PSEN1: variants seen among roughly 807,000 people sequenced by gnomAD.
The protein encoded by PSEN1 is presenilin-1.
In PSEN1, 15 loss-of-function variants were observed where a neutral mutation model predicts 53.5. The ratio of observed to expected loss-of-function variants is 0.28; its 90% CI spans 0.19 to 0.43. The LOEUF (loss-of-function observed/expected upper bound fraction) is 0.43. PSEN1 is among the 20% of genes least tolerant of loss of function. The pLI is 1.00. For synonymous variants in PSEN1, 208 were observed against 209.8 expected, an observed-to-expected ratio of 0.99 and a Z score of 0.08; for missense variants, 387 against 571.2, an observed-to-expected ratio of 0.68 and a Z score of 3.29.
At position 73,140,137 on chromosome 14, in the gene PSEN1, G is replaced by A. The variant is rs1232345414; in HGVS notation, c.-136+3554G>A. On this transcript the variant is annotated intron_variant, in intron 1 of 11. Coordinates refer to ENST00000324501, the MANE Select transcript of PSEN1 (RefSeq NM_000021.4). ...TTTATAATTATACAAAGGTATATAG[G>A]ACCATAGTCTCATATCCAGAGTTCT... 5.3e-5 allele frequency among the ~76,000 whole-genome samples: 8 copies of A among 150,846 alleles called. No individual in the cohort carries two copies. In the South Asian group the frequency reaches 1.7e-3, roughly 31 times the overall value.
intron 3 of PSEN1, chr14:73,168,299 GAGCCCAGATTGTGCCAGTGCACTCC>G (rs1297172563): frequency 6.6e-6 from 1 of 151,840 alleles, no homozygotes; most frequent in Non-Finnish European, 1.5e-5. Flanking sequence ...AGGTTACAGT[GAGCCCAGATTGTGCCAGTGCACTCC>G]AGCCTGGGCA....
chr14:73,145,252 A>G (rs1008390656), intron 1 of PSEN1, among the ~76,000 whole-genome samples: 1 of 151,976 alleles, frequency 6.6e-6, no homozygotes, highest in Non-Finnish European at 1.5e-5. Flanking sequence ...TTTGGCTAAG[A>G]CTGTCTTGTT....
At chr14:73,169,834 C>T (rs1293962212) in intron 3 of PSEN1, among the ~76,000 whole-genome samples, 2 of 152,024 alleles carry the variant, frequency 1.3e-5, no homozygotes, top group African/African-American at 4.8e-5. Context: ...TTAGTAGAGA[C>T]GGGGTTTCAC....
At chr14:73,214,375 A>G (rs1262241388) in intron 10 of PSEN1, among the ~76,000 whole-genome samples, 1 of 152,068 alleles carries the variant, frequency 6.6e-6, no homozygotes, top group Non-Finnish European at 1.5e-5. Flanking sequence ...TACTAAAAAT[A>G]CAAAATTAGC....
At chr14:73,153,552 A>T (rs1365331181) in intron 3 of PSEN1, among the ~76,000 whole-genome samples, 1 of 151,996 alleles carries the variant, frequency 6.6e-6, no homozygotes, top group Non-Finnish European at 1.5e-5. Flanking sequence ...CAAGTTTTCC[A>T]CTTAACTTGC....
At chr14:73,165,945 C>G (rs1304868029) in intron 3 of PSEN1, among the ~76,000 whole-genome samples, 1 of 151,474 alleles carries the variant, frequency 6.6e-6, no homozygotes, top group East Asian at 1.9e-4. Flanking sequence ...AATCCCAGCT[C>G]CTCGGGAGGC....
chr14:73,201,947 A>G (rs1899204262), intron 8 of PSEN1, among the ~76,000 whole-genome samples: 1 of 152,036 alleles, frequency 6.6e-6, no homozygotes, highest in African/African-American at 2.4e-5. Flanking sequence ...GGGTTTCGCC[A>G]CATTGGCCAG....
chr14:73,184,670 C>G (rs574528005), intron 5 of PSEN1, among the ~76,000 whole-genome samples: 2 of 64,440 alleles, frequency 3.1e-5, no homozygotes, highest in African/African-American at 1.4e-4. Flanking sequence ...CCCTCCCGGA[C>G]GGAGCGGCTG....
intron 6 of PSEN1, among the ~76,000 whole-genome samples, chr14:73,188,755 G>A (rs1898608740): frequency 6.6e-6 from 1 of 152,138 alleles, no homozygotes; most frequent in South Asian, 2.1e-4. Flanking sequence ...GGAATGAGAT[G>A]GAGGTTTTCT....
intron 3 of PSEN1, among the ~76,000 whole-genome samples, chr14:73,157,707 T>C (rs182212850): frequency 5.7e-4 from 86 of 152,110 alleles, no homozygotes; most frequent in Middle Eastern, 3.4e-3. Context: ...CTATTTTATA[T>C]AAATAGTATC....
intron 3 of PSEN1, chr14:73,160,021 G>A (rs569431165): frequency 1.3e-5 from 3 of 237,226 alleles, no homozygotes; most frequent in East Asian, 3.1e-4. Flanking sequence ...ACGAGTTCTC[G>A]CCATATTGGC....
At chr14:73,192,933 C>G in intron 7 of PSEN1, 69 bp downstream of exon 7, 1 of 1,206,912 alleles carries the variant, frequency 8.3e-7, no homozygotes, top group Non-Finnish European at 1.2e-6. Flanking sequence ...TTCCTCATCT[C>G]TTTATCTTGA....
At chr14:73,209,689 T>G (rs942727571) in intron 9 of PSEN1, among the ~76,000 whole-genome samples, 4 of 152,192 alleles carry the variant, frequency 2.6e-5, no homozygotes, top group South Asian at 2.1e-4. Flanking sequence ...TATGAAAGTT[T>G]ATAATAGGGG....
intron 1 of PSEN1, chr14:73,136,992 G>C (rs1800844): frequency 0.17 from 26,181 of 155,432 alleles, 2,930 homozygotes; most frequent in East Asian, 0.43. Context: ...CAGGGGCGAC[G>C]AGCATTCTGG....
At position 73,217,151 on chromosome 14, in the gene PSEN1, T is replaced by C; in HGVS notation, c.1155T>C (p.Asp385=). 6.2e-7 allele frequency: 1 copy of C among 1,614,000 alleles called. No homozygotes were observed. The highest frequency in any genetic ancestry group is 1.1e-5 in the South Asian group (1 of 91,082). ...GGGGAGTAAAACTTGGATTGGGAGATTTCATTTTCTACAGTGTTCTGGTTG... is the reference window on the plus strand; with the variant it reads ...GGGGAGTAAAACTTGGATTGGGAGACTTCATTTTCTACAGTGTTCTGGTTG... ...EERGVKLGLG[D]FIFYSVLVGK... Residue 385 remains aspartate, a synonymous_variant, in exon 11 of 12, where the codon GAT becomes GAC. Transcript: ENST00000324501.
In PSEN1 at chr14:73,197,057, C is replaced by T. The variant is rs139255158; in HGVS notation, c.770-974C>T. Among the ~76,000 whole-genome samples, 1,117 of 151,618 alleles carry T rather than the reference C, an allele frequency of 7.4e-3. 15 individuals carry two copies. Among genetic ancestry groups the T allele is most frequent in the African/African-American group, 0.023 (948 of 41,372 alleles). The stretch of plus-strand genomic sequence containing the variant: ...ACGCCGTTCTCCTGCCTCAGCCTCC[C>T]GAGTAGCTGGGACTACAGGCACGCG... On this transcript the variant is annotated intron_variant, in intron 7 of 11. Transcript: ENST00000324501.
chr14:73,215,121 C>T (rs994369771), intron 10 of PSEN1, among the ~76,000 whole-genome samples: 11 of 151,868 alleles, frequency 7.2e-5, no homozygotes, highest in Admixed American at 1.3e-4. Context: ...TCACCATACC[C>T]GGCTAATTTT....
At chr14:73,202,941 A>G (rs1051608003) in intron 8 of PSEN1, among the ~76,000 whole-genome samples, 2 of 152,206 alleles carry the variant, frequency 1.3e-5, no homozygotes, top group South Asian at 2.1e-4. Flanking sequence ...ACAGTTCAAC[A>G]TATGTGGGAA....
intron 10 of PSEN1, among the ~76,000 whole-genome samples, chr14:73,214,873 A>G (rs948691849): frequency 2.0e-5 from 3 of 152,234 alleles, no homozygotes; most frequent in Admixed American, 6.5e-5. Flanking sequence ...TGGTAGCACA[A>G]TGATACGATT....
Sources: gnomAD v4.1 joint callset for allele counts (sites outside exome capture counted in the v4.1 genomes callset) on GRCh38, gnomAD v4.1.1 for gene constraint, MANE v1.5 for transcripts, NCBI Gene and HGNC (gene_info 2026-07-23, HGNC 2026-07-21) for gene names.